LYPD6B: variants seen among roughly 807,000 people sequenced by gnomAD.
LYPD6B encodes the protein LY6/PLAUR domain containing 6B, also known as ly6/PLAUR domain-containing protein 6B.
A neutral mutation model predicts 22.8 loss-of-function variants in LYPD6B; 17 were observed. The ratio of observed to expected loss-of-function variants is 0.75; its 90% confidence interval spans 0.51 to 1.12. LYPD6B has a LOEUF of 1.12. LYPD6B is among the 50% of genes most tolerant of loss of function. The probability of loss-of-function intolerance (pLI) is 0.00; values close to 1 mark genes in which losing one functional copy is unlikely to be tolerated. For synonymous variants in LYPD6B, 106 were observed against 91.6 expected (o/e 1.16, Z -0.90); for missense variants, 221 against 258.3 (o/e 0.86, Z 0.99).
chr2:149,121,628 A>G (rs1687364693), intron 1 of LYPD6B, among the ~76,000 whole-genome samples: 1 of 152,138 alleles, frequency 6.6e-6, no homozygotes, highest in South Asian at 2.1e-4. Context: ...AGAGAGGAAC[A>G]TAGTGTTTCA....
intron 1 of LYPD6B, among the ~76,000 whole-genome samples, chr2:149,066,680 T>G (rs146144474): frequency 0.011 from 1,600 of 152,212 alleles, 30 homozygotes; most frequent in African/African-American, 0.037. Context: ...GCAACTGTTG[T>G]GTATATGGCA....
intron 3 of LYPD6B, among the ~76,000 whole-genome samples, chr2:149,181,907 G>A (rs1219032511): frequency 6.6e-6 from 1 of 152,162 alleles, no homozygotes; most frequent in Non-Finnish European, 1.5e-5. Flanking sequence ...CCCATGGCAA[G>A]GAAAAGGCAG....
rs1683729369 is a variant in LYPD6B at position 149,055,085 on chromosome 2, G to A, written c.-67+16284G>A. Among the ~76,000 whole-genome samples, 2 of 152,240 alleles carry A rather than the reference G, an allele frequency of 1.3e-5. 1 individual carries two copies. The highest frequency in any genetic ancestry group is 2.9e-5 in the Non-Finnish European group (2 of 68,006). On this transcript the variant is annotated intron_variant, in intron 1 of 6. Coordinates refer to ENST00000409642, the MANE Select transcript of LYPD6B (RefSeq NM_177964.5). The stretch of plus-strand genomic sequence containing the variant: ...ATTCTGTATAGAGTATGAGTTAGGA[G>A]TCCACATTTATTCTGTTGCATGTGG...
At chr2:149,109,294 G>T (rs1271324636) in intron 1 of LYPD6B, among the ~76,000 whole-genome samples, 1 of 152,048 alleles carries the variant, frequency 6.6e-6, no homozygotes, top group African/African-American at 2.4e-5. Flanking sequence ...TACACGTTAG[G>T]TTGATAGTTT....
In LYPD6B at chr2:149,088,294, A is replaced by C. The variant is rs569010858; in HGVS notation, c.-66-42589A>C. ...GTTTAGGATTTAGGGATGTTTTCTT[A>C]ATTGCTTGTGATCTGTGTTTTCAGT... On this transcript the variant is annotated intron_variant, in intron 1 of 6. Coordinates refer to ENST00000409642, the MANE Select transcript of LYPD6B (RefSeq NM_177964.5). Among the ~76,000 whole-genome samples, 259 of 152,200 alleles carry C rather than the reference A, an allele frequency of 1.7e-3. 1 individual carries two copies. Among genetic ancestry groups the C allele is most frequent in the Non-Finnish European group, 2.9e-3 (198 of 68,008 alleles).
rs117618223 is a variant in LYPD6B, at chr2:149,202,487, A to G, written c.78-2766A>G. On this transcript the variant is annotated intron_variant, in intron 3 of 6. Transcript: ENST00000409642. ...ATTTAATTTACCTGTTCGAATGTCA[A>G]CTACTCAGAGAGACATACTGGGTCC... Among the ~76,000 whole-genome samples the G allele has an allele frequency of 7.6e-4, 115 of 152,284 alleles. No homozygotes were observed. In the East Asian group the frequency reaches 0.02, roughly 27 times the overall value.
intron 1 of LYPD6B, among the ~76,000 whole-genome samples, chr2:149,041,979 T>C (rs866304995): frequency 6.6e-6 from 1 of 152,342 alleles, no homozygotes; most frequent in South Asian, 2.1e-4. Flanking sequence ...TTTCAAACCC[T>C]GTGTAGTTTG....
At chr2:149,190,920 CTTTAAT>C (rs1692445318) in intron 3 of LYPD6B, among the ~76,000 whole-genome samples, 1 of 151,988 alleles carries the variant, frequency 6.6e-6, no homozygotes, top group African/African-American at 2.4e-5. Context: ...ATTTATCAAA[CTTTAAT>C]TTTATACTTT....
intron 1 of LYPD6B, chr2:149,068,848 T>C (rs996164092): frequency 2.6e-6 from 1 of 380,198 alleles, no homozygotes; most frequent in Non-Finnish European, 5.4e-6. Flanking sequence ...CTACTCCAGG[T>C]TTATCGCCTG....
intron 5 of LYPD6B, among the ~76,000 whole-genome samples, chr2:149,212,174 G>A (rs1037223664): frequency 5.9e-5 from 9 of 151,262 alleles, no homozygotes; most frequent in African/African-American, 9.7e-5. Flanking sequence ...TCAGGAGATC[G>A]AGGTCATCCT....
chr2:149,148,010 G>T (rs1001237735), intron 2 of LYPD6B, among the ~76,000 whole-genome samples: 1 of 150,078 alleles, frequency 6.7e-6, no homozygotes, highest in Non-Finnish European at 1.5e-5. Context: ...CTGTTTTCAG[G>T]ATATTTCAAG....
chr2:149,058,671 A>G (rs916621856), intron 1 of LYPD6B, among the ~76,000 whole-genome samples: 12 of 152,138 alleles, frequency 7.9e-5, no homozygotes, highest in Admixed American at 5.9e-4. Context: ...GCAGGCTAGA[A>G]TGCAGTGATG....
At position 149,171,528 on chromosome 2, in the gene LYPD6B, A is replaced by G. The variant is rs61365798; in HGVS notation, c.77+10693A>G. 9.7e-3 allele frequency among the ~76,000 whole-genome samples: 1,397 copies of G among 143,428 alleles called. 19 individuals are homozygous for G. The highest frequency in any genetic ancestry group is 0.035 in the African/African-American group (1,341 of 38,766). 94.1% of individuals were successfully genotyped at this position (143,428 alleles called of 152,430 possible). Reference sequence around the variant, plus strand: ...CGTGAGAGCTCTTTTTTGAAGTCTGATTTTTTTTTTTTGATCCTATATCCC... The same window carrying G: ...CGTGAGAGCTCTTTTTTGAAGTCTGGTTTTTTTTTTTTGATCCTATATCCC... On this transcript the variant is annotated intron_variant, in intron 3 of 6. Coordinates refer to ENST00000409642, the MANE Select transcript of LYPD6B (RefSeq NM_177964.5).
intron 1 of LYPD6B, among the ~76,000 whole-genome samples, chr2:149,103,710 A>AT (rs908663710): frequency 1.4e-5 from 2 of 141,206 alleles, no homozygotes; most frequent in Admixed American, 7.1e-5. Flanking sequence ...TATAATTTGC[A>AT]TTTTGTCTGG....
intron 1 of LYPD6B, among the ~76,000 whole-genome samples, chr2:149,072,281 T>C (rs1022926228): frequency 2.0e-5 from 3 of 152,026 alleles, no homozygotes; most frequent in African/African-American, 7.2e-5. Context: ...AGGATGTCAA[T>C]GTAATAAATG....
chr2:149,042,873 G>T (rs1683148792), intron 1 of LYPD6B, among the ~76,000 whole-genome samples: 1 of 152,108 alleles, frequency 6.6e-6, no homozygotes, highest in Non-Finnish European at 1.5e-5. Context: ...GTGTTCATGT[G>T]GAAAAAGACA....
intron 1 of LYPD6B, among the ~76,000 whole-genome samples, chr2:149,109,798 G>A (rs866224625): frequency 8.0e-4 from 122 of 151,928 alleles, no homozygotes; most frequent in African/African-American, 2.8e-3. Context: ...TGCAAACTCC[G>A]CCTCCCAGGT....
chr2:149,161,778 G>A (rs1425755837), intron 3 of LYPD6B, among the ~76,000 whole-genome samples: 1 of 152,172 alleles, frequency 6.6e-6, no homozygotes, highest in Non-Finnish European at 1.5e-5. Flanking sequence ...TTATGTTCCT[G>A]TTTCTTGCCT....
intron 3 of LYPD6B, among the ~76,000 whole-genome samples, chr2:149,198,776 A>G (rs1692980200): frequency 6.6e-6 from 1 of 151,898 alleles, no homozygotes; most frequent in Non-Finnish European, 1.5e-5. Flanking sequence ...GATTTTTTGT[A>G]AGTTTAGATT....
Sources: allele counts gnomAD v4.1 joint callset (sites outside exome capture counted in the v4.1 genomes callset), GRCh38; gene constraint gnomAD v4.1.1; transcripts MANE v1.5; gene names NCBI Gene and HGNC (gene_info 2026-07-23, HGNC 2026-07-21).